The following KIRREL3 variants were observed in gnomAD, a reference collection of about 807,000 sequenced individuals.
KIRREL3 encodes kin of IRRE-like protein 3.
A neutral mutation model predicts 89.7 loss-of-function variants in KIRREL3; 36 were observed. That is an observed-to-expected ratio of 0.40 (90% CI 0.31 to 0.53). The LOEUF is 0.53. Ranked by LOEUF, KIRREL3 falls within the 20% of genes least tolerant of loss-of-function variation. KIRREL3 has a pLI of 0.49. For missense variants in KIRREL3, 864 were observed against 1,056.6 expected (o/e 0.82, Z 2.53); for synonymous variants, 445 against 441.4 (o/e 1.01, Z -0.10).
chr11:126,635,999 C>T lies in KIRREL3; in HGVS notation c.56-73087G>A, dbSNP rs1365311596. Among the ~76,000 whole-genome samples the T allele has an allele frequency of 6.6e-6, 1 of 152,190 alleles. No individual in the cohort carries two copies. Among genetic ancestry groups the T allele is most frequent in the Non-Finnish European group, 1.5e-5 (1 of 68,026 alleles). Reference sequence around the variant, plus strand: ...ATCAGTGGAGGAAGCGACGTGATTCCTGTAAGACTTGAATGCCCCTGAGTC... The same window carrying T: ...ATCAGTGGAGGAAGCGACGTGATTCTTGTAAGACTTGAATGCCCCTGAGTC... On this transcript the variant is annotated intron_variant, in intron 1 of 16. Coordinates refer to ENST00000525144, the MANE Select transcript of KIRREL3 (RefSeq NM_032531.4). This position sits in a 1 kb window ranked among gnomAD's most constrained non-coding sequence, Gnocchi z 4.0.
At chr11:126,511,647 C>T (rs1025460168) in intron 4 of KIRREL3, among the ~76,000 whole-genome samples, 2 of 152,212 alleles carry the variant, frequency 1.3e-5, no homozygotes, top group Non-Finnish European at 2.9e-5. Context: ...ACCTCTCTTT[C>T]TCTCCAGGCT....
At chr11:126,552,654 G>A (rs11827331) in intron 2 of KIRREL3, among the ~76,000 whole-genome samples, 10,406 of 133,600 alleles carry the variant, frequency 0.078, 1,012 homozygotes, top group African/African-American at 0.24. Flanking sequence ...TCTGCCTCCC[G>A]GGTTCAAGTG....
In KIRREL3 at chr11:126,783,737, C is replaced by T. The variant is rs1215262723; in HGVS notation, c.55+216718G>A. Among the ~76,000 whole-genome samples, 1 of 152,234 alleles carries T rather than the reference C, an allele frequency of 6.6e-6. No individual in the cohort carries two copies. The highest frequency in any genetic ancestry group is 6.5e-5 in the Admixed American group (1 of 15,284). ...AAATAATTCACGTAGATGCCTTGCC[C>T]TCAAAGAAGTAGAGTATAGCTTCCC... On this transcript the variant is annotated intron_variant, in intron 1 of 16. Coordinates refer to ENST00000525144, the MANE Select transcript of KIRREL3 (RefSeq NM_032531.4). This position sits in a 1 kb window ranked among gnomAD's most constrained non-coding sequence, Gnocchi z 4.3.
At chr11:126,829,350 T>G (rs1319795054) in intron 1 of KIRREL3, among the ~76,000 whole-genome samples, 3 of 152,184 alleles carry the variant, frequency 2.0e-5, no homozygotes, top group African/African-American at 7.2e-5. Context: ...TGAAAAAGAA[T>G]CAATTTGCGG....
rs1484081581 is a variant in KIRREL3, at chr11:126,427,299, G to T, written c.1807-1575C>A. Reference sequence around the variant, plus strand: ...TAGGCCCCAGGGGAAATAGATGAGCGTAGACTCAGAAACATGACCTTTGCC... The same window carrying T: ...TAGGCCCCAGGGGAAATAGATGAGCTTAGACTCAGAAACATGACCTTTGCC... On this transcript the variant is annotated intron_variant, in intron 15 of 16. Transcript: ENST00000525144. The surrounding 1 kb of genome is among the most constrained non-coding windows in gnomAD (Gnocchi z 5.3). 6.6e-6 allele frequency among the ~76,000 whole-genome samples: 1 copy of T among 152,204 alleles called. No homozygotes were observed. The highest frequency in any genetic ancestry group is 2.4e-5 in the African/African-American group (1 of 41,442).
intron 1 of KIRREL3, among the ~76,000 whole-genome samples, chr11:126,959,280 G>GTATC (rs948178692): frequency 6.6e-5 from 10 of 151,768 alleles, no homozygotes; most frequent in South Asian, 2.1e-4. Context: ...ATCTATCTGT[G>GTATC]TATCTATCTA....
intron 1 of KIRREL3, among the ~76,000 whole-genome samples, chr11:126,679,916 G>A (rs564388577): frequency 3.7e-4 from 56 of 152,284 alleles, no homozygotes; most frequent in African/African-American, 1.3e-3. Flanking sequence ...CCACCAGTCC[G>A]AGCCTGTGTG....
intron 1 of KIRREL3, among the ~76,000 whole-genome samples, chr11:126,910,644 T>C (rs982572200): frequency 6.6e-6 from 1 of 152,154 alleles, no homozygotes; most frequent in African/African-American, 2.4e-5. Context: ...GATGAGGAAA[T>C]CGGGCAAGTT....
At chr11:126,663,330 T>G (rs1199097486) in intron 1 of KIRREL3, among the ~76,000 whole-genome samples, 1 of 151,510 alleles carries the variant, frequency 6.6e-6, no homozygotes, top group South Asian at 2.1e-4. Flanking sequence ...GGACTACAGG[T>G]GCATGCCACC....
At chr11:126,926,311 C>T (rs1470654123) in intron 1 of KIRREL3, among the ~76,000 whole-genome samples, 1 of 152,202 alleles carries the variant, frequency 6.6e-6, no homozygotes, top group Admixed American at 6.5e-5. Flanking sequence ...GAGGATCTAG[C>T]CAGTGGGTTG....
At chr11:126,667,192 A>G (rs376983372) in intron 1 of KIRREL3, among the ~76,000 whole-genome samples, 4 of 152,246 alleles carry the variant, frequency 2.6e-5, no homozygotes, top group African/African-American at 9.6e-5. Context: ...CAATCAGAGA[A>G]TGTGCCACTA....
At chr11:126,933,242 C>T (rs1367239661) in intron 1 of KIRREL3, among the ~76,000 whole-genome samples, 1 of 151,616 alleles carries the variant, frequency 6.6e-6, no homozygotes, top group African/African-American at 2.4e-5. Flanking sequence ...CTATCAAAGT[C>T]CCTATCATCA....
rs1944421746 is a variant in KIRREL3, at chr11:126,640,360, G to GCACA, written c.56-77449_56-77448insTGTG. On this transcript the variant is annotated intron_variant, in intron 1 of 16. Coordinates refer to ENST00000525144, the MANE Select transcript of KIRREL3 (RefSeq NM_032531.4). This position sits in a 1 kb window ranked among gnomAD's most constrained non-coding sequence, Gnocchi z 4.9. ...CACACACACAGACGCGCGTGTGCGC[G>GCACA]CGCACACACACGCACACGCGCACAC... 6.6e-6 allele frequency among the ~76,000 whole-genome samples: 1 copy of GCACA among 151,920 alleles called. No homozygotes were observed. The highest frequency in any genetic ancestry group is 6.6e-5 in the Admixed American group (1 of 15,256).
In KIRREL3 at chr11:126,651,820, G is replaced by C. The variant is rs1481387905; in HGVS notation, c.56-88908C>G. 1.3e-5 allele frequency among the ~76,000 whole-genome samples: 2 copies of C among 152,190 alleles called. No homozygotes were observed. The highest frequency in any genetic ancestry group is 4.8e-5 in the African/African-American group (2 of 41,450). ...TACCAGAGAACCCAATAAATGAGAA[G>C]TTTTGGAGACAGCATTAATTGTGAT... On this transcript the variant is annotated intron_variant, in intron 1 of 16. Coordinates refer to ENST00000525144, the MANE Select transcript of KIRREL3 (RefSeq NM_032531.4). The surrounding 1 kb of genome is among the most constrained non-coding windows in gnomAD (Gnocchi z 4.6).
chr11:126,574,214 A>C lies in KIRREL3; in HGVS notation c.56-11302T>G, dbSNP rs1941130144. On this transcript the variant is annotated intron_variant, in intron 1 of 16. Transcript: ENST00000525144. The surrounding 1 kb of genome is among the most constrained non-coding windows in gnomAD (Gnocchi z 5.3). ...TTATGGAGGACACTGAGGATGAGAG[A>C]GGTTCCACAACCTCCCTTGCTCAAA... 6.6e-6 allele frequency among the ~76,000 whole-genome samples: 1 copy of C among 152,288 alleles called. No homozygotes were observed. The highest frequency in any genetic ancestry group is 2.1e-4 in the South Asian group (1 of 4,824).
At chr11:126,859,521 G>A (rs1944640918) in intron 1 of KIRREL3, among the ~76,000 whole-genome samples, 1 of 152,250 alleles carries the variant, frequency 6.6e-6, no homozygotes, top group East Asian at 1.9e-4. Flanking sequence ...AGGCCAATAG[G>A]AGGAGGAGGA....
At position 126,474,907 on chromosome 11, in the gene KIRREL3, TGA is replaced by T. The variant is rs1168531635; in HGVS notation, c.434-1443_434-1442del. 6.6e-6 allele frequency among the ~76,000 whole-genome samples: 1 copy of T among 152,106 alleles called. No homozygotes were observed. Among genetic ancestry groups the T allele is most frequent in the South Asian group, 2.1e-4 (1 of 4,822 alleles). On this transcript the variant is annotated intron_variant, in intron 4 of 16. Transcript: ENST00000525144. This position sits in a 1 kb window ranked among gnomAD's most constrained non-coding sequence, Gnocchi z 6.7. The stretch of plus-strand genomic sequence containing the variant: ...CCCATGCTTGTGCTTGGGGACACGT[TGA>T]GAGTCTCAGGCCTCTGCTGCTCCCT...
intron 1 of KIRREL3, among the ~76,000 whole-genome samples, chr11:126,581,491 C>T (rs902897569): frequency 2.0e-5 from 3 of 152,120 alleles, no homozygotes; most frequent in Non-Finnish European, 4.4e-5. Context: ...CGTGAGACAC[C>T]GCGCCTGGCC....
Position 126,805,364 on chromosome 11 carries a change from T to G in KIRREL3, c.55+195091A>C, listed in dbSNP as rs775562016. 2.2e-4 allele frequency among the ~76,000 whole-genome samples: 34 copies of G among 152,118 alleles called. No individual in the cohort carries two copies. The highest frequency in any genetic ancestry group is 4.6e-4 in the Non-Finnish European group (31 of 68,024). Reference sequence around the variant, plus strand: ...GAGATTACCCTATTACAAGTCATACTGGGTGGAGGAGATTTAATTACTCAG... The same window carrying G: ...GAGATTACCCTATTACAAGTCATACGGGGTGGAGGAGATTTAATTACTCAG... On this transcript the variant is annotated intron_variant, in intron 1 of 16. Coordinates refer to ENST00000525144, the MANE Select transcript of KIRREL3 (RefSeq NM_032531.4). This position sits in a 1 kb window ranked among gnomAD's most constrained non-coding sequence, Gnocchi z 4.3.
Sources: gnomAD v4.1 joint callset for allele counts (sites outside exome capture counted in the v4.1 genomes callset) on GRCh38, gnomAD v4.1.1 for gene constraint, Gnocchi (gnomAD v3.1) non-coding constraint, MANE v1.5 for transcripts, NCBI Gene and HGNC (gene_info 2026-07-23, HGNC 2026-07-21) for gene names.